ZFPM2: variants seen among roughly 807,000 people sequenced by gnomAD.
The protein encoded by ZFPM2 is zinc finger protein, FOG family member 2.
Under a neutral mutation model 98.6 loss-of-function variants are expected in ZFPM2, and 20 were observed. That is an observed-to-expected ratio of 0.20 (90% confidence interval 0.14 to 0.29). The LOEUF (loss-of-function observed/expected upper bound fraction) is 0.29. ZFPM2 is among the 10% of genes least tolerant of loss of function. ZFPM2 has a pLI of 1.00. For synonymous variants in ZFPM2, 518 were observed against 502.7 expected (o/e 1.03, Z -0.41); for missense variants, 1,310 against 1,388.6 (o/e 0.94, Z 0.90).
rs1347084517 is a variant in ZFPM2, at chr8:105,489,444, G to A, written c.301+45063G>A. ...CTTTTATATATATTTATAGATATATGTTTTTATATATATATATATATATTT... is the reference window on the plus strand; with the variant it reads ...CTTTTATATATATTTATAGATATATATTTTTATATATATATATATATATTT... On this transcript the variant is annotated intron_variant, in intron 3 of 7. Coordinates refer to ENST00000407775, the MANE Select transcript of ZFPM2 (RefSeq NM_012082.4). Among the ~76,000 whole-genome samples the A allele has an allele frequency of 5.7e-3, 706 of 123,080 alleles. 12 individuals carry two copies. The highest frequency in any genetic ancestry group is 0.023 in the African/African-American group (667 of 28,732). 80.7% of individuals were successfully genotyped at this position (123,080 alleles called of 152,430 possible).
At chr8:105,513,792 T>C (rs1163055098) in intron 3 of ZFPM2, among the ~76,000 whole-genome samples, 1 of 152,214 alleles carries the variant, frequency 6.6e-6, no homozygotes, top group Non-Finnish European at 1.5e-5. Flanking sequence ...ACATTTTATA[T>C]GGTGCTAACA....
At chr8:105,332,369 C>G (rs539255878) in intron 1 of ZFPM2, among the ~76,000 whole-genome samples, 1 of 151,612 alleles carries the variant, frequency 6.6e-6, no homozygotes, top group Non-Finnish European at 1.5e-5. Context: ...AGAAAAATAC[C>G]AGGCACATAG....
intron 1 of ZFPM2, among the ~76,000 whole-genome samples, chr8:105,354,537 G>A (rs1211638284): frequency 6.6e-6 from 1 of 152,150 alleles, no homozygotes; most frequent in African/African-American, 2.4e-5. Flanking sequence ...AACATGAGTG[G>A]CAGTAGGCAT....
chr8:105,442,475 C>T (rs186667208), intron 2 of ZFPM2, among the ~76,000 whole-genome samples: 241 of 152,282 alleles, frequency 1.6e-3, no homozygotes, highest in African/African-American at 5.5e-3. Flanking sequence ...TAAATATCAT[C>T]CTGCACCTAC....
intron 1 of ZFPM2, among the ~76,000 whole-genome samples, chr8:105,398,454 A>G (rs1229684248): frequency 2.6e-5 from 4 of 152,106 alleles, no homozygotes; most frequent in Non-Finnish European, 5.9e-5. Flanking sequence ...TGTCTTCTCC[A>G]ATTATTTTTT....
chr8:105,803,155 G>A lies in ZFPM2; in HGVS notation c.3073G>A (p.Ala1025Thr). Residue 1025 changes from alanine to threonine, a missense_variant, in exon 8 of 8, where the codon GCT becomes ACT. Coordinates refer to ENST00000407775, the MANE Select transcript of ZFPM2 (RefSeq NM_012082.4). ...PKGQASSNGC[A>T]ALKKDSLPLL... is the part of the protein sequence containing the mutation. Reference sequence around the variant, plus strand: ...AGGCCAGGCTTCCTCAAATGGGTGTGCTGCGCTGAAGAAAGATTCTCTGCC... The same window carrying A: ...AGGCCAGGCTTCCTCAAATGGGTGTACTGCGCTGAAGAAAGATTCTCTGCC... The A allele has an allele frequency of 6.2e-7, 1 of 1,613,938 alleles. No homozygotes were observed. The highest frequency in any genetic ancestry group is 1.3e-5 in the African/African-American group (1 of 75,030).
chr8:105,417,277 ATACT>A (rs563170805), intron 1 of ZFPM2, among the ~76,000 whole-genome samples: 33 of 152,292 alleles, frequency 2.2e-4, no homozygotes, highest in Middle Eastern at 3.4e-3. Context: ...CATAATTCTC[ATACT>A]TACTTCACTG....
intron 5 of ZFPM2, among the ~76,000 whole-genome samples, chr8:105,715,772 C>A (rs746820021): frequency 1.3e-5 from 2 of 151,926 alleles, no homozygotes; most frequent in Non-Finnish European, 2.9e-5. Context: ...TAGTGGTTCT[C>A]AGAAAATCAG....
intron 7 of ZFPM2, among the ~76,000 whole-genome samples, chr8:105,800,807 T>C (rs1162683636): frequency 6.6e-6 from 1 of 152,190 alleles, no homozygotes; most frequent in Non-Finnish European, 1.5e-5. Flanking sequence ...ATGGAGACAC[T>C]GACACTTATT....
At chr8:105,661,488 A>T (rs1817386926) in intron 5 of ZFPM2, among the ~76,000 whole-genome samples, 1 of 152,190 alleles carries the variant, frequency 6.6e-6, no homozygotes, top group African/African-American at 2.4e-5. Context: ...TGTTCTTGAT[A>T]AGGAGGAAAT....
intron 4 of ZFPM2, among the ~76,000 whole-genome samples, chr8:105,585,842 GAAAATA>G (rs1039859913): frequency 2.0e-5 from 3 of 151,646 alleles, no homozygotes; most frequent in African/African-American, 4.8e-5. Context: ...GTCTGTAAAA[GAAAATA>G]AAAATAAAAA....
At chr8:105,635,789 C>A (rs190724269) in intron 5 of ZFPM2, among the ~76,000 whole-genome samples, 2 of 152,244 alleles carry the variant, frequency 1.3e-5, no homozygotes, top group East Asian at 1.9e-4. Flanking sequence ...CATGGCAATA[C>A]CTGGTCCCCA....
At chr8:105,531,709 GT>G (rs1445405071) in intron 3 of ZFPM2, among the ~76,000 whole-genome samples, 1 of 151,964 alleles carries the variant, frequency 6.6e-6, no homozygotes, top group Non-Finnish European at 1.5e-5. Flanking sequence ...AAAATTTTTT[GT>G]TTTGACAAAA....
intron 1 of ZFPM2, among the ~76,000 whole-genome samples, chr8:105,401,555 T>C (rs549063623): frequency 1.2e-4 from 19 of 152,248 alleles, no homozygotes; most frequent in African/African-American, 4.1e-4. Context: ...TGTATGTTCT[T>C]ACCATGACCT....
chr8:105,491,031 T>C (rs1813346633), intron 3 of ZFPM2, among the ~76,000 whole-genome samples: 1 of 152,174 alleles, frequency 6.6e-6, no homozygotes, highest in South Asian at 2.1e-4. Flanking sequence ...ACATCTTGTT[T>C]TTAGAAATAT....
intron 2 of ZFPM2, among the ~76,000 whole-genome samples, chr8:105,422,310 G>A (rs1357786794): frequency 1.3e-5 from 2 of 152,002 alleles, no homozygotes; most frequent in East Asian, 3.9e-4. Context: ...GGTGGTGGGT[G>A]CCTGTAGTCC....
At chr8:105,627,426 T>TA (rs964066847) in intron 4 of ZFPM2, among the ~76,000 whole-genome samples, 16 of 152,062 alleles carry the variant, frequency 1.1e-4, no homozygotes, top group African/African-American at 3.1e-4. Flanking sequence ...TTCTTTTTTT[T>TA]AAAAAAGAAG....
chr8:105,350,743 G>A (rs1037370517), intron 1 of ZFPM2, among the ~76,000 whole-genome samples: 1 of 151,952 alleles, frequency 6.6e-6, no homozygotes, highest in Non-Finnish European at 1.5e-5. Flanking sequence ...GTGACTTTTG[G>A]AGGACACAAA....
chr8:105,449,587 C>T (rs947114196), intron 3 of ZFPM2, among the ~76,000 whole-genome samples: 1 of 151,842 alleles, frequency 6.6e-6, no homozygotes, highest in Non-Finnish European at 1.5e-5. Flanking sequence ...GCTGATAAGT[C>T]AGAGTATCCA....
Sources: gnomAD v4.1 joint callset for allele counts (sites outside exome capture counted in the v4.1 genomes callset) on GRCh38, gnomAD v4.1.1 for gene constraint, MANE v1.5 for transcripts, NCBI Gene and HGNC (gene_info 2026-07-23, HGNC 2026-07-21) for gene names.